CNTNAP4: variants seen among roughly 807,000 people sequenced by gnomAD.
CNTNAP4 encodes the protein contactin-associated protein-like 4.
In CNTNAP4, 98 loss-of-function variants were observed where a neutral mutation model predicts 148.4. The observed-to-expected ratio is 0.66, with a 90% CI of 0.56 to 0.78. The LOEUF is 0.78. Ranked by LOEUF, CNTNAP4 falls within the 30% of genes least tolerant of loss-of-function variation. The probability of loss-of-function intolerance (pLI) is 0.00; values close to 1 mark genes in which losing one functional copy is unlikely to be tolerated. For missense variants in CNTNAP4, 1,935 were observed against 1,565.6 expected, an observed-to-expected ratio of 1.24 and a Z score of -3.98; for synonymous variants, 730 against 565.1, an observed-to-expected ratio of 1.29 and a Z score of -4.14.
chr16:76,408,317 C>A (rs950374031), intron 3 of CNTNAP4, among the ~76,000 whole-genome samples: 12 of 143,442 alleles, frequency 8.4e-5, no homozygotes, highest in African/African-American at 3.6e-4. Flanking sequence ...AATTACTAAG[C>A]TTCTTACATA....
intron 2 of CNTNAP4, among the ~76,000 whole-genome samples, chr16:76,341,200 G>A (rs1216562530): frequency 1.3e-5 from 2 of 152,024 alleles, no homozygotes; most frequent in Non-Finnish European, 2.9e-5. Context: ...CTTTTTCATT[G>A]AGAGTCTTTA....
chr16:76,455,724 T>C (rs1270869492), intron 8 of CNTNAP4, among the ~76,000 whole-genome samples: 1 of 152,234 alleles, frequency 6.6e-6, no homozygotes, highest in Non-Finnish European at 1.5e-5. Context: ...CAACACCCTT[T>C]GGTTTTTCCC....
rs72628217 is a variant in CNTNAP4 at position 76,391,320 on chromosome 16, T to A, written c.390+35809T>A. On this transcript the variant is annotated intron_variant, in intron 3 of 23. Transcript: ENST00000611870. ...CGCATTTGACGTTTCACATCTCTTA[T>A]TATTTTCTGGGGGAAAAGTCAACCC... Among the ~76,000 whole-genome samples the A allele has an allele frequency of 0.017, 2,536 of 152,322 alleles. 217 individuals are homozygous for A. In the East Asian group the frequency reaches 0.27, roughly 16 times the overall value.
rs537259248 is a variant in CNTNAP4 at position 76,324,896 on chromosome 16, C to G, written c.196+8373C>G. On this transcript the variant is annotated intron_variant, in intron 2 of 23. Coordinates refer to ENST00000611870, the MANE Select transcript of CNTNAP4 (RefSeq NM_033401.5). ...AATTACCTCCCAAAGGCCCCCTCTC[C>G]AAATGCCATCACACTGGGGATTAGG... is the stretch of plus-strand genomic sequence containing the variant. Among the ~76,000 whole-genome samples, 10 of 152,282 alleles carry G rather than the reference C, an allele frequency of 6.6e-5. No individual in the cohort carries two copies. In the East Asian group the frequency reaches 1.7e-3, roughly 26 times the overall value.
intron 10 of CNTNAP4, among the ~76,000 whole-genome samples, chr16:76,475,517 C>G (rs1271693021): frequency 6.6e-6 from 1 of 152,196 alleles, no homozygotes; most frequent in Non-Finnish European, 1.5e-5. Context: ...AAGTATACCT[C>G]AAGTGAAGAA....
At chr16:76,311,674 T>G (rs1961130200) in intron 1 of CNTNAP4, among the ~76,000 whole-genome samples, 1 of 152,048 alleles carries the variant, frequency 6.6e-6, no homozygotes, top group Non-Finnish European at 1.5e-5. Flanking sequence ...GTAATGAGAG[T>G]GATGTTCATT....
rs373961616 is a variant in CNTNAP4 at position 76,401,676 on chromosome 16, G to C, written c.391-25776G>C. On this transcript the variant is annotated intron_variant, in intron 3 of 23. Transcript: ENST00000611870. ...GCCCATTCACTGTAATGTTGTCTGT[G>C]GGTTTGCCATAGATAGCTTTTATTT... 6.6e-5 allele frequency among the ~76,000 whole-genome samples: 10 copies of C among 152,230 alleles called. 1 individual carries two copies. The highest frequency in any genetic ancestry group is 2.4e-4 in the African/African-American group (10 of 41,560).
intron 10 of CNTNAP4, among the ~76,000 whole-genome samples, chr16:76,474,194 G>A (rs1248086196): frequency 2.0e-5 from 3 of 152,194 alleles, no homozygotes; most frequent in Admixed American, 6.5e-5. Context: ...CCTCCCCAGA[G>A]ACTGGGAGAC....
At chr16:76,380,007 A>G (rs1406557710) in intron 3 of CNTNAP4, among the ~76,000 whole-genome samples, 1 of 152,174 alleles carries the variant, frequency 6.6e-6, no homozygotes, top group Non-Finnish European at 1.5e-5. Context: ...ATTTGCATAA[A>G]TCTTGATGTA....
intron 12 of CNTNAP4, among the ~76,000 whole-genome samples, chr16:76,483,771 G>A (rs1365154928): frequency 2.6e-5 from 4 of 152,134 alleles, no homozygotes; most frequent in East Asian, 1.9e-4. Context: ...CAGCTCTAAC[G>A]GGGTATGTGA....
intron 1 of CNTNAP4, among the ~76,000 whole-genome samples, chr16:76,313,265 C>T (rs1269657297): frequency 3.3e-5 from 5 of 152,158 alleles, no homozygotes; most frequent in African/African-American, 9.6e-5. Flanking sequence ...TCCAAAACAT[C>T]GATCTGAATC....
intron 1 of CNTNAP4, among the ~76,000 whole-genome samples, chr16:76,290,473 T>C (rs1217176957): frequency 1.3e-5 from 2 of 152,224 alleles, no homozygotes; most frequent in Non-Finnish European, 2.9e-5. Context: ...CGGAGTGAAG[T>C]GGCAGGCACT....
At chr16:76,364,978 G>C (rs2013932643) in intron 3 of CNTNAP4, among the ~76,000 whole-genome samples, 1 of 152,040 alleles carries the variant, frequency 6.6e-6, no homozygotes, top group African/African-American at 2.4e-5. Context: ...GTATTGCCTA[G>C]GTTTTCTTCT....
intron 3 of CNTNAP4, among the ~76,000 whole-genome samples, chr16:76,377,140 G>C (rs564602192): frequency 3.3e-5 from 5 of 152,110 alleles, no homozygotes; most frequent in African/African-American, 9.6e-5. Flanking sequence ...CTTATTCCAG[G>C]GAAGTCAGTC....
At chr16:76,524,787 T>G (rs1208028918) in intron 17 of CNTNAP4, among the ~76,000 whole-genome samples, 2 of 152,108 alleles carry the variant, frequency 1.3e-5, no homozygotes, top group African/African-American at 2.4e-5. Context: ...AAATAACTGT[T>G]GATTATATTT....
chr16:76,326,928 A>C (rs1452518311), intron 2 of CNTNAP4, among the ~76,000 whole-genome samples: 1 of 152,140 alleles, frequency 6.6e-6, no homozygotes, highest in African/African-American at 2.4e-5. Context: ...GTGCACATGT[A>C]CCCTAAAACT....
At chr16:76,541,308 A>G (rs1470637897) in intron 21 of CNTNAP4, among the ~76,000 whole-genome samples, 1 of 152,174 alleles carries the variant, frequency 6.6e-6, no homozygotes, top group African/African-American at 2.4e-5. Flanking sequence ...ATGCCTTATA[A>G]TGCTTATTTA....
At chr16:76,407,568 G>A (rs1024540249) in intron 3 of CNTNAP4, among the ~76,000 whole-genome samples, 1 of 152,072 alleles carries the variant, frequency 6.6e-6, no homozygotes, top group African/African-American at 2.4e-5. Context: ...AGGAACTGCG[G>A]ATGTGGTGAA....
At position 76,417,738 on chromosome 16, in the gene CNTNAP4, T is replaced by A. The variant is rs1416219168; in HGVS notation, c.391-9714T>A. Among the ~76,000 whole-genome samples the A allele has an allele frequency of 2.0e-5, 3 of 151,778 alleles. No homozygotes were observed. In the East Asian group the frequency reaches 5.8e-4, roughly 29 times the overall value. ...TCCAGATTTCTGAGCTATATAACTT[T>A]CCTTTTGTCTGAATAACTTCTTCAA... On this transcript the variant is annotated intron_variant, in intron 3 of 23. Coordinates refer to ENST00000611870, the MANE Select transcript of CNTNAP4 (RefSeq NM_033401.5).
Sources: gnomAD v4.1 joint callset for allele counts (sites outside exome capture counted in the v4.1 genomes callset) on GRCh38, gnomAD v4.1.1 for gene constraint, MANE v1.5 for transcripts, NCBI Gene and HGNC (gene_info 2026-07-23, HGNC 2026-07-21) for gene names.